The following CIT variants were observed in gnomAD, a reference collection of about 807,000 sequenced individuals.
CIT encodes citron rho-interacting serine/threonine kinase.
A neutral mutation model predicts 272.7 loss-of-function variants in CIT; 79 were observed. The ratio of observed to expected loss-of-function variants is 0.29; its 90% CI spans 0.24 to 0.35. CIT has a LOEUF of 0.35. Ranked by LOEUF, CIT falls within the 10% of genes least tolerant of loss-of-function variation. The pLI, the probability that CIT is intolerant of heterozygous loss-of-function variation, is 1.00. For missense variants in CIT, 1,909 were observed against 2,618.3 expected (o/e 0.73, Z 5.91); for synonymous variants, 948 against 995.6 (o/e 0.95, Z 0.90).
intron 44 of CIT, among the ~76,000 whole-genome samples, chr12:119,700,159 T>C (rs1956474329): frequency 6.6e-6 from 1 of 152,244 alleles, no homozygotes; most frequent in African/African-American, 2.4e-5. Context: ...GAAATAAATC[T>C]ACAGGAATTG....
In CIT at chr12:119,713,205, T is replaced by C. The variant is rs773381356; in HGVS notation, c.4577A>G (p.Glu1526Gly). The part of the protein sequence containing the change: ...KVLIYDNEAR[E>G]AGQRPVEEFE... ...TTCCCCCTGAATTATTAATTTACCT[T>C]CTCTGGCTTCATTGTCATAAATGAG... The change falls in exon 35 of 48, where the codon GAA becomes GGA. Residue 1526 changes from glutamate (E) to glycine (G), a missense_variant and splice_region_variant. This residue lies in a region of CIT where 780 missense variants were observed against 1,067.2 expected (regional missense o/e 0.73). Transcript: ENST00000392521. This position sits in a 1 kb window ranked among gnomAD's most constrained non-coding sequence, Gnocchi z 5.2. 6.2e-7 allele frequency: 1 copy of C among 1,612,744 alleles called. No homozygotes were observed. Among genetic ancestry groups the C allele is most frequent in the Non-Finnish European group, 8.5e-7 (1 of 1,178,862 alleles).
At chr12:119,826,638 G>A (rs983014670) in intron 7 of CIT, among the ~76,000 whole-genome samples, 3 of 152,148 alleles carry the variant, frequency 2.0e-5, no homozygotes, top group African/African-American at 7.2e-5. Context: ...TCAAAACAGA[G>A]AGGCCCTGAT....
At chr12:119,721,011 G>A (rs1001120630) in intron 29 of CIT, among the ~76,000 whole-genome samples, 2 of 152,046 alleles carry the variant, frequency 1.3e-5, no homozygotes, top group Non-Finnish European at 2.9e-5. Flanking sequence ...CTGTTGCCCG[G>A]GCTGGAGTGC....
At chr12:119,738,911 C>T (rs992361696) in intron 24 of CIT, among the ~76,000 whole-genome samples, 43 of 150,302 alleles carry the variant, frequency 2.9e-4, no homozygotes, top group African/African-American at 1.0e-3. Flanking sequence ...AAGATCTACT[C>T]TCAGTGTCAA....
intron 32 of CIT, among the ~76,000 whole-genome samples, chr12:119,717,838 C>CCTTTTTTTT (rs1957598855): frequency 2.5e-5 from 2 of 81,332 alleles, no homozygotes; most frequent in Non-Finnish European, 4.5e-5. Flanking sequence ...TGACTTCTTT[C>CCTTTTTTTT]TTTTTTTTTT....
chr12:119,811,910 C>G (rs567006659), intron 9 of CIT, among the ~76,000 whole-genome samples: 53 of 151,472 alleles, frequency 3.5e-4, no homozygotes, highest in African/African-American at 1.3e-3. Flanking sequence ...TTGGATATAC[C>G]CAATTTTTCA....
At chr12:119,845,823 G>A (rs1462748524) in intron 5 of CIT, among the ~76,000 whole-genome samples, 6 of 150,802 alleles carry the variant, frequency 4.0e-5, no homozygotes, top group South Asian at 4.2e-4. Flanking sequence ...GGTGTCACAC[G>A]CCTGTAATCC....
intron 23 of CIT, among the ~76,000 whole-genome samples, chr12:119,751,388 TC>T (rs780307582): frequency 1.6e-4 from 23 of 148,116 alleles, no homozygotes; most frequent in Non-Finnish European, 1.3e-4. Context: ...CACAAAAAAA[TC>T]CATTTCAGAC....
intron 30 of CIT, 120 bp downstream of exon 30, chr12:119,720,358 C>T (rs1957760548): frequency 1.4e-6 from 1 of 694,480 alleles, no homozygotes; most frequent in Admixed American, 3.6e-5. Flanking sequence ...AATAAAACAA[C>T]AAAAAAAGTA....
At position 119,690,087 on chromosome 12, in the gene CIT, C is replaced by A. The variant is rs1261581887; in HGVS notation, c.6186+64G>T. ...TAAACAACAGTGGCCCCGTGGGGGCCTCAGTTCCCCAAGTCACTCCTGGCC... is the reference window on the plus strand; with the variant it reads ...TAAACAACAGTGGCCCCGTGGGGGCATCAGTTCCCCAAGTCACTCCTGGCC... On this transcript the variant is annotated intron_variant, in intron 47 of 47. Transcript: ENST00000392521. The surrounding 1 kb of genome is among the most constrained non-coding windows in gnomAD (Gnocchi z 6.0). 1.0e-5 allele frequency: 14 copies of A among 1,393,320 alleles called. No homozygotes were observed. Among genetic ancestry groups the A allele is most frequent in the South Asian group, 1.8e-5 (1 of 55,890 alleles). The allele number at this position is 1,393,320 out of a possible 1,614,324, so 86.3% of individuals were successfully genotyped here. A position where few individuals can be genotyped will look rare whatever the true frequency, so the allele number is the denominator to read the frequency against.
intron 22 of CIT, 94 bp from the exon 23 acceptor site, chr12:119,752,341 C>T: frequency 8.3e-7 from 1 of 1,210,528 alleles, no homozygotes; most frequent in Non-Finnish European, 1.1e-6. Flanking sequence ...CAACCTGCAG[C>T]TGAAACCTGG....
At chr12:119,742,526 G>T in intron 23 of CIT, 62 bp from the exon 24 acceptor site, 1 of 1,285,126 alleles carries the variant, frequency 7.8e-7, no homozygotes, top group Non-Finnish European at 1.1e-6. Flanking sequence ...TACATGCTAC[G>T]GGTCAAATAT....
At position 119,846,202 on chromosome 12, in the gene CIT, G is replaced by A. The variant is rs550458300; in HGVS notation, c.516+3972C>T. On this transcript the variant is annotated intron_variant, in intron 5 of 47. Coordinates refer to ENST00000392521, the MANE Select transcript of CIT (RefSeq NM_001206999.2). The stretch of plus-strand genomic sequence containing the variant: ...CCTCTGATCATCCTCACTGGCCACA[G>A]GGGAGGCAAGCAGTGGTTTCCCTGA... Among the ~76,000 whole-genome samples the A allele has an allele frequency of 2.0e-5, 3 of 152,266 alleles. No individual in the cohort carries two copies. The South Asian group carries it at 6.2e-4, about 32-fold the overall frequency.
intron 9 of CIT, among the ~76,000 whole-genome samples, chr12:119,820,343 G>A (rs1408381587): frequency 6.6e-6 from 1 of 152,086 alleles, no homozygotes; most frequent in Non-Finnish European, 1.5e-5. Flanking sequence ...CTGAGGTCAG[G>A]AGCTTGAGAT....
At chr12:119,711,089 C>A (rs368291146) in intron 37 of CIT, 1 of 1,366,578 alleles carries the variant, frequency 7.3e-7, no homozygotes, top group Non-Finnish European at 9.8e-7. Context: ...AACACAGTCG[C>A]GGGCCTATTG....
intron 3 of CIT, among the ~76,000 whole-genome samples, chr12:119,862,869 G>T (rs1371892843): frequency 8.7e-6 from 1 of 115,226 alleles, no homozygotes; most frequent in Admixed American, 9.4e-5. Flanking sequence ...AACGAGGTAG[G>T]ACTTTTAGGG....
intron 19 of CIT, among the ~76,000 whole-genome samples, chr12:119,764,484 C>A (rs1381723738): frequency 6.6e-6 from 1 of 151,764 alleles, no homozygotes; most frequent in South Asian, 2.1e-4. Flanking sequence ...GGCGTGGTGG[C>A]ATGCACCTAT....
intron 37 of CIT, chr12:119,711,202 G>C (rs1957142811): frequency 3.5e-6 from 3 of 857,848 alleles, no homozygotes; most frequent in Non-Finnish European, 5.2e-6. Context: ...CAGGAGGCTT[G>C]TGGTTAAGAA....
chr12:119,804,212 T>G lies in CIT; in HGVS notation c.1112-823A>C. Reference sequence around the variant, plus strand: ...GGGGGCGTGTTACATCCTCTCCACTTCCTCCGACCTACTAAGCGCTCTCGG... The same window carrying G: ...GGGGGCGTGTTACATCCTCTCCACTGCCTCCGACCTACTAAGCGCTCTCGG... On this transcript the variant is annotated intron_variant, in intron 9 of 47. Coordinates refer to ENST00000392521, the MANE Select transcript of CIT (RefSeq NM_001206999.2). The surrounding 1 kb of genome is among the most constrained non-coding windows in gnomAD (Gnocchi z 5.3). 2 of 985,412 alleles carry G rather than the reference T, an allele frequency of 2.0e-6. No homozygotes were observed. Among genetic ancestry groups the G allele is most frequent in the Non-Finnish European group, 2.4e-6 (2 of 829,962 alleles). 61.0% of individuals were successfully genotyped at this position (985,412 alleles called of 1,614,324 possible). A position where few individuals can be genotyped will look rare whatever the true frequency, so the allele number is the denominator to read the frequency against.
Sources: gnomAD v4.1 joint callset for allele counts (sites outside exome capture counted in the v4.1 genomes callset) on GRCh38, gnomAD v4.1.1 for gene constraint, gnomAD v4.1.1 regional missense constraint, Gnocchi (gnomAD v3.1) non-coding constraint, MANE v1.5 for transcripts, NCBI Gene and HGNC (gene_info 2026-07-23, HGNC 2026-07-21) for gene names.